METTL8: variants seen among roughly 807,000 people sequenced by gnomAD.
METTL8 encodes tRNA N(3)-cytidine methyltransferase METTL8, mitochondrial.
Under a neutral mutation model 48.7 loss-of-function variants are expected in METTL8, and 32 were observed. That is an observed-to-expected ratio of 0.66 (90% CI 0.50 to 0.88). The LOEUF (loss-of-function observed/expected upper bound fraction) is 0.88. Ranked by LOEUF, METTL8 falls within the 40% of genes least tolerant of loss-of-function variation. The probability of loss-of-function intolerance (pLI) is 0.00; values close to 1 mark genes in which losing one functional copy is unlikely to be tolerated. For missense variants in METTL8, 464 were observed against 474.4 expected (o/e 0.98, Z 0.20); for synonymous variants, 136 against 157.1 (o/e 0.87, Z 1.01).
intron 2 of METTL8, among the ~76,000 whole-genome samples, chr2:171,378,344 C>T (rs1687177413): frequency 6.6e-6 from 1 of 152,130 alleles, no homozygotes; most frequent in Non-Finnish European, 1.5e-5. Context: ...CAAAGAAGGG[C>T]ATTACATGGC....
intron 1 of METTL8, among the ~76,000 whole-genome samples, chr2:171,406,905 T>C (rs1399490338): frequency 6.6e-6 from 1 of 152,126 alleles, no homozygotes; most frequent in East Asian, 1.9e-4. Context: ...CATTTCTTAA[T>C]TGTTTAAGCC....
At chr2:171,356,768 TG>T (rs1684587329) in intron 3 of METTL8, among the ~76,000 whole-genome samples, 1 of 152,054 alleles carries the variant, frequency 6.6e-6, no homozygotes, top group Admixed American at 6.5e-5. Context: ...AATATTCCAT[TG>T]TGTATATATA....
intron 2 of METTL8, among the ~76,000 whole-genome samples, chr2:171,363,350 C>T (rs1246469242): frequency 6.6e-6 from 1 of 151,944 alleles, no homozygotes; most frequent in Non-Finnish European, 1.5e-5. Context: ...ACTGGATTCA[C>T]GTATCCCAAA....
intron 2 of METTL8, among the ~76,000 whole-genome samples, chr2:171,361,173 A>G (rs1283583622): frequency 2.0e-5 from 3 of 152,182 alleles, no homozygotes; most frequent in African/African-American, 7.2e-5. Context: ...CTGCTGCACA[A>G]AAATGTCTTT....
intron 1 of METTL8, among the ~76,000 whole-genome samples, chr2:171,393,484 C>T (rs1265910334): frequency 6.6e-6 from 1 of 150,746 alleles, no homozygotes; most frequent in East Asian, 1.9e-4. Context: ...AAATCCATCT[C>T]CATTTCTGGA....
At chr2:171,434,327 CAG>C (rs1693596275), upstream of METTL8, 1 of 678,890 alleles carries the variant, frequency 1.5e-6, no homozygotes, top group African/African-American at 1.8e-5. Flanking sequence ...TGTCAGCGGC[CAG>C]AGAGCCTGGG....
chr2:171,356,952 A>ATTTTTTTT (rs763021449), intron 3 of METTL8, among the ~76,000 whole-genome samples: 4 of 78,476 alleles, frequency 5.1e-5, no homozygotes, highest in African/African-American at 1.3e-4. Flanking sequence ...CAAAGACAAT[A>ATTTTTTTT]TTTTTTTTTT....
rs780135774 is a variant in METTL8 at position 171,377,550 on chromosome 2, T to A, written c.143+14493A>T. 3.0e-4 allele frequency among the ~76,000 whole-genome samples: 45 copies of A among 151,768 alleles called. 1 individual carries two copies. The highest frequency in any genetic ancestry group is 1.2e-4 in the Non-Finnish European group (8 of 67,902). ...TCAAATCAGCAAGAAATAAAACAAA[T>A]AATCCTGTCAAAAAGTGAGCAAAGG... On this transcript the variant is annotated intron_variant, in intron 2 of 9. Coordinates refer to ENST00000375258, the MANE Select transcript of METTL8 (RefSeq NM_001321154.2).
At chr2:171,403,438 A>G (rs535958798) in intron 1 of METTL8, among the ~76,000 whole-genome samples, 230 of 152,284 alleles carry the variant, frequency 1.5e-3, no homozygotes, top group African/African-American at 5.3e-3. Context: ...AAGGTCATCA[A>G]AAACAAAGAA....
At chr2:171,398,432 T>C (rs539759979) in intron 1 of METTL8, among the ~76,000 whole-genome samples, 2 of 152,302 alleles carry the variant, frequency 1.3e-5, no homozygotes, top group East Asian at 1.9e-4. Context: ...ATGATTCCTC[T>C]TATATGAGGT....
rs1167820945 is a variant in METTL8 at position 171,324,009 on chromosome 2, A to C, written c.*163T>G. ...AGAAAAAGGCATACTGTGCTGAACC[A>C]CTTACATGTGCTTAAAATGCACAAA... is the stretch of plus-strand genomic sequence containing the variant. On this transcript the variant is annotated 3_prime_UTR_variant, in exon 10 of 10. Coordinates refer to ENST00000375258, the MANE Select transcript of METTL8 (RefSeq NM_001321154.2). The C allele has an allele frequency of 5.0e-6, 3 of 597,350 alleles. No homozygotes were observed. The highest frequency in any genetic ancestry group is 8.7e-6 in the Non-Finnish European group (3 of 346,752). 37.0% of individuals were successfully genotyped at this position (597,350 alleles called of 1,614,324 possible).
In METTL8 at chr2:171,356,518, A is replaced by T. The variant is rs150571675; in HGVS notation, c.235+3904T>A. ...GATCTATATTGAACATGAGGTCTTA[A>T]CCCTTCTAACTGTATATTTGTACCC... is the stretch of plus-strand genomic sequence containing the variant. On this transcript the variant is annotated intron_variant, in intron 3 of 9. Coordinates refer to ENST00000375258, the MANE Select transcript of METTL8 (RefSeq NM_001321154.2). 1.9e-3 allele frequency among the ~76,000 whole-genome samples: 291 copies of T among 152,044 alleles called. 5 individuals are homozygous for T. In the East Asian group the frequency reaches 0.028, roughly 15 times the overall value.
At chr2:171,343,259 G>C (rs1189029093) in intron 3 of METTL8, among the ~76,000 whole-genome samples, 1 of 152,140 alleles carries the variant, frequency 6.6e-6, no homozygotes, top group African/African-American at 2.4e-5. Context: ...GACCAACATG[G>C]AGAAACCCCA....
intron 1 of METTL8, among the ~76,000 whole-genome samples, chr2:171,418,681 C>T (rs1691567843): frequency 6.6e-6 from 1 of 152,038 alleles, no homozygotes; most frequent in African/African-American, 2.4e-5. Flanking sequence ...GGCATGGTGG[C>T]TTATGCCTGG....
At chr2:171,434,367 C>A, upstream of METTL8, 1 of 838,340 alleles carries the variant, frequency 1.2e-6, no homozygotes, top group Non-Finnish European at 1.9e-6. Flanking sequence ...TGCTTCTTCC[C>A]TTCTCTCCGC....
intron 3 of METTL8, among the ~76,000 whole-genome samples, chr2:171,356,952 A>ATGTTTTTTTTTTTTTT: frequency 0.19 from 15,212 of 78,274 alleles, 5,914 homozygotes; most frequent in East Asian, 0.31. Context: ...CAAAGACAAT[A>ATGTTTTTTTTTTTTTT]TTTTTTTTTT....
intron 1 of METTL8, among the ~76,000 whole-genome samples, chr2:171,406,327 C>T (rs1690172169): frequency 6.6e-6 from 1 of 152,172 alleles, no homozygotes; most frequent in African/African-American, 2.4e-5. Context: ...GAAAGAGGGG[C>T]TTTTTCAACA....
At chr2:171,338,856 T>TTTCATCTAAAAAATTACCCC (rs1471717154) in intron 4 of METTL8, among the ~76,000 whole-genome samples, 5 of 152,158 alleles carry the variant, frequency 3.3e-5, no homozygotes, top group African/African-American at 1.2e-4. Flanking sequence ...CTTATTTCTA[T>TTTCATCTAAAAAATTACCCC]TTCATCTAAA....
At chr2:171,418,078 G>T (rs1025075162) in intron 1 of METTL8, among the ~76,000 whole-genome samples, 4 of 151,974 alleles carry the variant, frequency 2.6e-5, no homozygotes, top group African/African-American at 7.3e-5. Flanking sequence ...CGAGTAGCTG[G>T]GACTACAGGT....
Sources: gnomAD v4.1 joint callset for allele counts (sites outside exome capture counted in the v4.1 genomes callset) on GRCh38, gnomAD v4.1.1 for gene constraint, MANE v1.5 for transcripts, NCBI Gene and HGNC (gene_info 2026-07-23, HGNC 2026-07-21) for gene names.